Variants in OTUD7A observed in about 807,000 individuals in gnomAD.
The protein encoded by OTUD7A is OTU domain-containing protein 7A.
A neutral mutation model predicts 65.7 loss-of-function variants in OTUD7A; 12 were observed. The ratio of observed to expected loss-of-function variants is 0.18; its 90% CI spans 0.12 to 0.30. The LOEUF (loss-of-function observed/expected upper bound fraction) is 0.30, where lower values mean the gene tolerates loss of function less well. Among genes scored for constraint, OTUD7A ranks in the 10% least tolerant of loss-of-function variants. The pLI, the probability that OTUD7A is intolerant of heterozygous loss-of-function variation, is 1.00. For synonymous variants in OTUD7A, 641 were observed against 586.3 expected (o/e 1.09, Z -1.35); for missense variants, 1,148 against 1,304.8 (o/e 0.88, Z 1.85).
chr15:31,737,130 G>A (rs1894213781), intron 1 of OTUD7A, among the ~76,000 whole-genome samples: 1 of 152,092 alleles, frequency 6.6e-6, no homozygotes, highest in South Asian at 2.1e-4. Context: ...AGCAATGTAG[G>A]ATAGGTAGAA....
chr15:31,601,086 A>C (rs1306638890), intron 3 of OTUD7A, among the ~76,000 whole-genome samples: 1 of 152,182 alleles, frequency 6.6e-6, no homozygotes, highest in Non-Finnish European at 1.5e-5. Flanking sequence ...TCAGGACTTG[A>C]ACTCAGCTCC....
In OTUD7A at chr15:31,867,589, C is replaced by A. The variant is rs1188569294; in HGVS notation, c.-100+2918G>T. Among the ~76,000 whole-genome samples, 3 of 152,338 alleles carry A rather than the reference C, an allele frequency of 2.0e-5. No homozygotes were observed. The East Asian group carries it at 5.8e-4, about 29-fold the overall frequency. ...GGGAGTCAAAGCCAGGAGCAAACATCAAGGGTGTGCAGGAGAGGATTTCCA... is the reference window on the plus strand; with the variant it reads ...GGGAGTCAAAGCCAGGAGCAAACATAAAGGGTGTGCAGGAGAGGATTTCCA... On this transcript the variant is annotated intron_variant, in intron 1 of 12. Coordinates refer to ENST00000307050, the MANE Select transcript of OTUD7A (RefSeq NM_001382637.1).
intron 1 of OTUD7A, among the ~76,000 whole-genome samples, chr15:31,840,958 G>C (rs1244251651): frequency 6.6e-6 from 1 of 152,152 alleles, no homozygotes; most frequent in Non-Finnish European, 1.5e-5. Context: ...GAGGGCTTCT[G>C]ACAGACCACA....
At chr15:31,685,959 G>C (rs552103972) in intron 1 of OTUD7A, among the ~76,000 whole-genome samples, 1,864 of 152,340 alleles carry the variant, frequency 0.012, 13 homozygotes, top group Non-Finnish European at 0.02. Context: ...GAACTGCCCT[G>C]AGGGTGTGTC....
rs147483266 is a variant in OTUD7A, at chr15:31,742,583, T to C, written c.-99-85506A>G. On this transcript the variant is annotated intron_variant, in intron 1 of 12. Coordinates refer to ENST00000307050, the MANE Select transcript of OTUD7A (RefSeq NM_001382637.1). Reference sequence around the variant, plus strand: ...AAAAGCTTTTCCTACCACAGAAAAATAGAACTAAACCTAAACATATACATA... The same window carrying C: ...AAAAGCTTTTCCTACCACAGAAAAACAGAACTAAACCTAAACATATACATA... Among the ~76,000 whole-genome samples the C allele has an allele frequency of 8.9e-4, 135 of 152,114 alleles. 1 individual carries two copies. Among genetic ancestry groups the C allele is most frequent in the African/African-American group, 3.1e-3 (130 of 41,550 alleles).
intron 3 of OTUD7A, among the ~76,000 whole-genome samples, chr15:31,625,160 G>C (rs55933426): frequency 1.3e-5 from 2 of 152,074 alleles, no homozygotes; most frequent in Non-Finnish European, 2.9e-5. Context: ...CCTGCTGACC[G>C]CCAGTGAAGA....
chr15:31,617,632 C>T (rs1890632964), intron 3 of OTUD7A, among the ~76,000 whole-genome samples: 1 of 152,202 alleles, frequency 6.6e-6, no homozygotes, highest in South Asian at 2.1e-4. Context: ...GAAAGACTAA[C>T]CTAAGGTGTT....
intron 1 of OTUD7A, among the ~76,000 whole-genome samples, chr15:31,701,790 G>A (rs867793418): frequency 4.6e-5 from 7 of 152,088 alleles, no homozygotes; most frequent in African/African-American, 1.2e-4. Flanking sequence ...AACACTTTCC[G>A]ACACTTCTAC....
intron 3 of OTUD7A, among the ~76,000 whole-genome samples, chr15:31,576,841 T>C (rs1007686886): frequency 6.6e-6 from 1 of 152,226 alleles, no homozygotes; most frequent in South Asian, 2.1e-4. Context: ...ACTAACCAAA[T>C]GAACCCTCTC....
intron 1 of OTUD7A, among the ~76,000 whole-genome samples, chr15:31,831,864 G>A (rs1029085290): frequency 9.9e-5 from 15 of 152,258 alleles, no homozygotes; most frequent in Admixed American, 6.5e-4. Flanking sequence ...GCGTTCCGCC[G>A]AGCAATGACT....
Position 31,491,309 on chromosome 15 carries a change from C to T in OTUD7A, c.1172-3743G>A, listed in dbSNP as rs568833026. ...TGATGGTTAATTTCAGCATACAGAA[C>T]AAATCTATGAGAAAGAAATGAAAAT... On this transcript the variant is annotated intron_variant, in intron 10 of 12. Transcript: ENST00000307050. Among the ~76,000 whole-genome samples, 10 of 152,132 alleles carry T rather than the reference C, an allele frequency of 6.6e-5. No individual in the cohort carries two copies. In the South Asian group the frequency reaches 1.9e-3, roughly 28 times the overall value.
intron 4 of OTUD7A, among the ~76,000 whole-genome samples, chr15:31,563,020 G>A (rs546669071): frequency 6.7e-6 from 1 of 149,738 alleles, no homozygotes; most frequent in Non-Finnish European, 1.5e-5. Flanking sequence ...ATGATTGCTC[G>A]CAAGGCTCAA....
intron 8 of OTUD7A, among the ~76,000 whole-genome samples, chr15:31,523,341 G>A (rs963596731): frequency 2.0e-5 from 3 of 152,230 alleles, no homozygotes; most frequent in Non-Finnish European, 4.4e-5. Context: ...TTCAGGGCCC[G>A]CTGGGCTCGC....
At position 31,570,084 on chromosome 15, in the gene OTUD7A, G is replaced by C; in HGVS notation, c.265C>G (p.Arg89Gly). 1.9e-6 allele frequency: 3 copies of C among 1,614,194 alleles called. No individual in the cohort carries two copies. The highest frequency in any genetic ancestry group is 2.5e-6 in the Non-Finnish European group (3 of 1,180,026). Residue 89 changes from arginine (R) to glycine (G), a missense_variant, in exon 4 of 13, where the codon CGA becomes GGA. By Grantham distance (125) the Arg-to-Gly change is moderately radical. Transcript: ENST00000307050. The part of the protein sequence containing the change: ...NEGRGPKQPE[R>G]EPQPGHKVER... ...ACCTTGTGCCCGGGCTGTGGCTCTCGCTCTGGCTGCTTGGGACCCCGCCCT... is the reference window on the plus strand; with the variant it reads ...ACCTTGTGCCCGGGCTGTGGCTCTCCCTCTGGCTGCTTGGGACCCCGCCCT...
intron 1 of OTUD7A, among the ~76,000 whole-genome samples, chr15:31,678,058 C>T (rs1021647479): frequency 1.3e-5 from 2 of 152,190 alleles, no homozygotes; most frequent in East Asian, 1.9e-4. Flanking sequence ...CCTTTTTATG[C>T]TTTAGCAAAG....
At chr15:31,603,824 C>T (rs938611567) in intron 3 of OTUD7A, among the ~76,000 whole-genome samples, 1 of 152,064 alleles carries the variant, frequency 6.6e-6, no homozygotes, top group African/African-American at 2.4e-5. Flanking sequence ...ATTTATGTGG[C>T]CAACAGACAT....
At chr15:31,553,155 T>C (rs946973312) in intron 5 of OTUD7A, among the ~76,000 whole-genome samples, 6 of 152,158 alleles carry the variant, frequency 3.9e-5, no homozygotes, top group Admixed American at 1.3e-4. Flanking sequence ...CACCACTGAT[T>C]GCTCCCTTCT....
At chr15:31,748,221 G>C (rs1034558258) in intron 1 of OTUD7A, among the ~76,000 whole-genome samples, 1 of 151,982 alleles carries the variant, frequency 6.6e-6, no homozygotes, top group African/African-American at 2.4e-5. Flanking sequence ...TTATGAAAGA[G>C]AGTGTCCTTT....
Position 31,559,045 on chromosome 15 carries a change from C to A in OTUD7A, c.474G>T (p.Val158=), listed in dbSNP as rs778526001. Residue 158 remains valine (V), a synonymous_variant, in exon 5 of 13, where the codon GTG becomes GTT. Transcript: ENST00000307050. ...IYTFQLPDLS[V]YSEDFRSFIE... ...TGAAGCTCCTGAAATCCTCGCTGTA[C>A]ACGCTCAGGTCTGGCAACTGGAATG... 1 of 1,614,236 alleles carries A rather than the reference C, an allele frequency of 6.2e-7. No homozygotes were observed. The highest frequency in any genetic ancestry group is 1.3e-5 in the African/African-American group (1 of 75,056).
Sources: allele counts gnomAD v4.1 joint callset (sites outside exome capture counted in the v4.1 genomes callset), GRCh38; gene constraint gnomAD v4.1.1; transcripts MANE v1.5; gene names NCBI Gene and HGNC (gene_info 2026-07-23, HGNC 2026-07-21).